The following PLEKHA3 variants were observed in gnomAD, a reference collection of about 807,000 sequenced individuals.
The protein encoded by PLEKHA3 is pleckstrin homology domain containing A3.
In PLEKHA3, 19 loss-of-function variants were observed where a neutral mutation model predicts 39.2. The observed-to-expected ratio is 0.48, with a 90% CI of 0.34 to 0.71. The LOEUF is 0.71. Among genes scored for constraint, PLEKHA3 ranks in the 30% least tolerant of loss-of-function variants. PLEKHA3 has a pLI of 0.01. For synonymous variants in PLEKHA3, 97 were observed against 118.6 expected, an observed-to-expected ratio of 0.82 and a Z score of 1.18; for missense variants, 253 against 359.5, an observed-to-expected ratio of 0.70 and a Z score of 2.40.
Position 178,483,357 on chromosome 2 carries a change from T to A in PLEKHA3, c.41-2284T>A, listed in dbSNP as rs554193691. The stretch of plus-strand genomic sequence containing the variant: ...AAAAGAATTAAAAAAAAAAAAGAAT[T>A]TTAAAAAGGGAATACCTGTGAATCT... On this transcript the variant is annotated intron_variant, in intron 1 of 7. Coordinates refer to ENST00000234453, the MANE Select transcript of PLEKHA3 (RefSeq NM_019091.4). 3.9e-5 allele frequency among the ~76,000 whole-genome samples: 6 copies of A among 152,276 alleles called. No individual in the cohort carries two copies. In the South Asian group the frequency reaches 1.2e-3, roughly 32 times the overall value.
At chr2:178,496,764 G>T (rs565054403) in intron 5 of PLEKHA3, among the ~76,000 whole-genome samples, 186 of 152,038 alleles carry the variant, frequency 1.2e-3, no homozygotes, top group African/African-American at 4.2e-3. Context: ...ACCCAGGCTG[G>T]AGTGCAGTGA....
chr2:178,489,299 A>T (rs567642104), intron 2 of PLEKHA3, among the ~76,000 whole-genome samples: 1 of 152,302 alleles, frequency 6.6e-6, no homozygotes, highest in South Asian at 2.1e-4. Context: ...TGTGGCACTT[A>T]CTTGCCATAA....
Position 178,503,158 on chromosome 2 carries a change from A to G in PLEKHA3, c.776-602A>G, listed in dbSNP as rs145828045. ...GGTACAACTGCCTTAGAACAGGACT[A>G]TGCCAGTGTAGTCAGCTGTGTTAAC... On this transcript the variant is annotated intron_variant, in intron 7 of 7. Transcript: ENST00000234453. Among the ~76,000 whole-genome samples the G allele has an allele frequency of 2.6e-4, 40 of 152,186 alleles. No homozygotes were observed. In the East Asian group the frequency reaches 7.7e-3, roughly 29 times the overall value.
rs1685681552 is a variant in PLEKHA3, at chr2:178,511,350, C to T, written c.*7463C>T. The T allele has an allele frequency of 6.6e-6, 1 of 151,520 alleles. No individual in the cohort carries two copies. The highest frequency in any genetic ancestry group is 1.5e-5 in the Non-Finnish European group (1 of 68,018). The allele number at this position is 151,520 out of a possible 1,614,324, so 9.4% of individuals were successfully genotyped here. ...TCCCCTTATTATCTGCTTTGATATCCATCTCTGGAACTTTGATCTCTAATT... is the reference window on the plus strand; with the variant it reads ...TCCCCTTATTATCTGCTTTGATATCTATCTCTGGAACTTTGATCTCTAATT... On this transcript the variant is annotated 3_prime_UTR_variant, in exon 8 of 8. Transcript: ENST00000234453.
Position 178,510,592 on chromosome 2 carries a change from C to T in PLEKHA3, c.*6705C>T, listed in dbSNP as rs927512659. The T allele has an allele frequency of 9.1e-5, 14 of 153,818 alleles. No homozygotes were observed. The highest frequency in any genetic ancestry group is 3.9e-4 in the Admixed American group (6 of 15,286). The allele number at this position is 153,818 out of a possible 1,614,324, so 9.5% of individuals were successfully genotyped here. A position where few individuals can be genotyped will look rare whatever the true frequency, so the allele number is the denominator to read the frequency against. ...GCTTGTGGGCGTGGGTGAACACTCTCCTGCTCTTCTGCCAAATGTCTCTCC... is the reference window on the plus strand; with the variant it reads ...GCTTGTGGGCGTGGGTGAACACTCTTCTGCTCTTCTGCCAAATGTCTCTCC... On this transcript the variant is annotated 3_prime_UTR_variant, in exon 8 of 8. Transcript: ENST00000234453.
rs151283273 is a variant in PLEKHA3, at chr2:178,512,220, A to G, written c.*8333A>G. 1.6e-4 allele frequency: 24 copies of G among 152,364 alleles called. No homozygotes were observed. The highest frequency in any genetic ancestry group is 5.8e-4 in the African/African-American group (24 of 41,586). The allele number at this position is 152,364 out of a possible 1,614,324, so 9.4% of individuals were successfully genotyped here. ...GCATTAGTTGTTGAATAAATAAATA[A>G]TTCAGAATGTATCCACAAAACCTAG... On this transcript the variant is annotated 3_prime_UTR_variant, in exon 8 of 8. Coordinates refer to ENST00000234453, the MANE Select transcript of PLEKHA3 (RefSeq NM_019091.4).
Position 178,490,781 on chromosome 2 carries a change from T to C in PLEKHA3, c.280T>C (p.Cys94Arg). Residue 94 changes from cysteine (C) to arginine (R), a missense_variant, in exon 3 of 8, where the codon TGT becomes CGT. Around this residue, in one of 2 missense-constraint regions of PLEKHA3, gnomAD observed 126 missense variants for 222.7 expected, o/e 0.57. Transcript: ENST00000234453. ...WLVALGSSKA[C>R]LTDTRTKKEK... ...GGTCGCTCTGGGGAGCTCCAAAGCATGTTTGACTGATACAAGGACTAAAAA... is the reference window on the plus strand; with the variant it reads ...GGTCGCTCTGGGGAGCTCCAAAGCACGTTTGACTGATACAAGGACTAAAAA... The C allele has an allele frequency of 1.2e-6, 2 of 1,613,950 alleles. No individual in the cohort carries two copies. Among genetic ancestry groups the C allele is most frequent in the Non-Finnish European group, 1.7e-6 (2 of 1,179,918 alleles).
Position 178,485,879 on chromosome 2 carries a change from C to T in PLEKHA3, c.157+122C>T. ...AGGGATCATCTAATACCATTTATAT[C>T]CTTAGCAGTCAGGAGTGGCATTTCA... On this transcript the variant is annotated intron_variant, in intron 2 of 7. Coordinates refer to ENST00000234453, the MANE Select transcript of PLEKHA3 (RefSeq NM_019091.4). The T allele has an allele frequency of 4.7e-6, 3 of 631,706 alleles. No homozygotes were observed. In the East Asian group the frequency reaches 7.7e-5, roughly 16 times the overall value. The allele number at this position is 631,706 out of a possible 1,614,324, so 39.1% of individuals were successfully genotyped here.
At chr2:178,497,441 A>G (rs572763458) in intron 5 of PLEKHA3, among the ~76,000 whole-genome samples, 15 of 152,178 alleles carry the variant, frequency 9.9e-5, no homozygotes, top group African/African-American at 3.4e-4. Context: ...CATGTTAGCC[A>G]GGATGGTCTC....
Position 178,503,885 on chromosome 2 carries a change from T to G in PLEKHA3, c.901T>G (p.Ter301GlyextTer3), listed in dbSNP as rs768579463. Residue 301 changes from the stop codon to glycine, a stop_lost, in exon 8 of 8, where the codon TGA becomes GGA. Transcript: ENST00000234453. ...AGATACTCTTCCATCCTTCTCTTCC[T>G]GAAGAAACTGAAGTGTCCAACTTCC... Reference protein sequence around the residue: ...SEDTLPSFSS* With the variant: ...SEDTLPSFSSG 2.5e-6 allele frequency: 4 copies of G among 1,611,076 alleles called. No homozygotes were observed. The highest frequency in any genetic ancestry group is 3.3e-5 in the Admixed American group (2 of 59,888).
At chr2:178,502,994 A>G (rs1374394962) in intron 7 of PLEKHA3, among the ~76,000 whole-genome samples, 1 of 152,062 alleles carries the variant, frequency 6.6e-6, no homozygotes, top group African/African-American at 2.4e-5. Flanking sequence ...ATATTTTGCA[A>G]TTGGCAGTCT....
At position 178,487,448 on chromosome 2, in the gene PLEKHA3, G is replaced by GT. The variant is rs200669543; in HGVS notation, c.157+1699dup. 4.9e-3 allele frequency among the ~76,000 whole-genome samples: 729 copies of GT among 149,940 alleles called. 11 individuals are homozygous for GT. Among genetic ancestry groups the GT allele is most frequent in the African/African-American group, 0.016 (659 of 40,826 alleles). On this transcript the variant is annotated intron_variant, in intron 2 of 7. Coordinates refer to ENST00000234453, the MANE Select transcript of PLEKHA3 (RefSeq NM_019091.4). ...TTTTTTTCTTTTCTTTTCTTTTTTT[G>GT]TTTTTTTTGAGACAGGTTCTCACTC...
Position 178,508,050 on chromosome 2 carries a change from GGTGT to G in PLEKHA3, c.*4199_*4202del, listed in dbSNP as rs71023446. The stretch of plus-strand genomic sequence containing the variant: ...TAGAGATTTGTCTGCTTCAGTTCTG[GGTGT>G]GTGTGTGTGTGTGTGTGTGTGTGTG... On this transcript the variant is annotated 3_prime_UTR_variant, in exon 8 of 8. Transcript: ENST00000234453. The G allele has an allele frequency of 0.035, 5,006 of 142,072 alleles. 176 individuals carry two copies. The highest frequency in any genetic ancestry group is 0.091 in the African/African-American group (3,445 of 37,858). The allele number at this position is 142,072 out of a possible 1,614,324, so 8.8% of individuals were successfully genotyped here.
chr2:178,492,913 G>A (rs1458340789), intron 3 of PLEKHA3, among the ~76,000 whole-genome samples: 1 of 152,166 alleles, frequency 6.6e-6, no homozygotes, highest in African/African-American at 2.4e-5. Context: ...TAAATTTTAT[G>A]TTTATGTATA....
chr2:178,494,984 A>G (rs537034104), intron 4 of PLEKHA3, among the ~76,000 whole-genome samples: 1 of 149,914 alleles, frequency 6.7e-6, no homozygotes, highest in East Asian at 2.0e-4. Context: ...TGGAATAGCC[A>G]TGACTAGGTT....
Position 178,480,673 on chromosome 2 carries a change from C to T in PLEKHA3, c.-197C>T. On this transcript the variant is annotated 5_prime_UTR_variant, in exon 1 of 8. Coordinates refer to ENST00000234453, the MANE Select transcript of PLEKHA3 (RefSeq NM_019091.4). ...AATGTCTGGGCCCGCGCCTCGCGGC[C>T]CCCAAGCTCCACGCTGCGCCCGCTG... 1 of 370,796 alleles carries T rather than the reference C, an allele frequency of 2.7e-6. No homozygotes were observed. Among genetic ancestry groups the T allele is most frequent in the Non-Finnish European group, 4.7e-6 (1 of 214,408 alleles). 23.0% of individuals were successfully genotyped at this position (370,796 alleles called of 1,614,324 possible).
rs1185434642 is a variant in PLEKHA3 at position 178,507,812 on chromosome 2, T to C, written c.*3925T>C. 6.5e-6 allele frequency: 1 copy of C among 153,306 alleles called. No homozygotes were observed. The highest frequency in any genetic ancestry group is 1.5e-5 in the Non-Finnish European group (1 of 67,960). 9.5% of individuals were successfully genotyped at this position (153,306 alleles called of 1,614,324 possible). A position where few individuals can be genotyped will look rare whatever the true frequency, so the allele number is the denominator to read the frequency against. ...GATTGGTAGTTTGGAGTCTGGAAAA[T>C]AACATGCCTTCAGAATTTTAAGGGC... On this transcript the variant is annotated 3_prime_UTR_variant, in exon 8 of 8. Transcript: ENST00000234453.
intron 3 of PLEKHA3, among the ~76,000 whole-genome samples, chr2:178,492,769 A>G (rs373836740): frequency 6.6e-6 from 1 of 152,150 alleles, no homozygotes; most frequent in Non-Finnish European, 1.5e-5. Context: ...AAACAGGGTT[A>G]GTGTTTAGTG....
rs1330139719 is a variant in PLEKHA3 at position 178,512,709 on chromosome 2, A to C, written c.*8822A>C. The C allele has an allele frequency of 6.5e-6, 1 of 153,786 alleles. No individual in the cohort carries two copies. The highest frequency in any genetic ancestry group is 2.4e-5 in the African/African-American group (1 of 41,460). 9.5% of individuals were successfully genotyped at this position (153,786 alleles called of 1,614,324 possible). On this transcript the variant is annotated 3_prime_UTR_variant, in exon 8 of 8. Coordinates refer to ENST00000234453, the MANE Select transcript of PLEKHA3 (RefSeq NM_019091.4). Reference sequence around the variant, plus strand: ...GAACAATGGTGAGTCATGTAATGAAAGGAGATGTTCTAGGAAAACTTTTCA... The same window carrying C: ...GAACAATGGTGAGTCATGTAATGAACGGAGATGTTCTAGGAAAACTTTTCA...
Sources: gnomAD v4.1 joint callset for allele counts (sites outside exome capture counted in the v4.1 genomes callset) on GRCh38, gnomAD v4.1.1 for gene constraint, gnomAD v4.1.1 regional missense constraint, MANE v1.5 for transcripts, NCBI Gene and HGNC (gene_info 2026-07-23, HGNC 2026-07-21) for gene names.